The following PTPN11 variants were observed in gnomAD, a reference collection of about 807,000 sequenced individuals.
PTPN11 encodes the protein protein tyrosine phosphatase non-receptor type 11.
Under a neutral mutation model 78.8 loss-of-function variants are expected in PTPN11, and 6 were observed. The observed-to-expected ratio is 0.08, with a 90% CI of 0.04 to 0.15. The LOEUF is 0.15. Ranked by LOEUF, PTPN11 falls within the 10% of genes least tolerant of loss-of-function variation. PTPN11 has a pLI of 1.00. For synonymous variants in PTPN11, 221 were observed against 263.5 expected (o/e 0.84, Z 1.56); for missense variants, 386 against 744.8 (o/e 0.52, Z 5.61).
chr12:112,447,363 T>A (rs2038009447), intron 2 of PTPN11, among the ~76,000 whole-genome samples: 1 of 152,200 alleles, frequency 6.6e-6, no homozygotes, highest in African/African-American at 2.4e-5. Context: ...TTTTTATAGT[T>A]GTACTGCACT....
At chr12:112,483,868 G>C (rs933977560) in intron 10 of PTPN11, among the ~76,000 whole-genome samples, 3 of 152,142 alleles carry the variant, frequency 2.0e-5, no homozygotes, top group African/African-American at 7.2e-5. Flanking sequence ...CCGGGGGGAT[G>C]GCAGTGGAGT....
intron 1 of PTPN11, among the ~76,000 whole-genome samples, chr12:112,433,373 G>A (rs749469362): frequency 3.9e-5 from 6 of 152,098 alleles, no homozygotes; most frequent in Non-Finnish European, 7.4e-5. Flanking sequence ...GTGTAAGTAC[G>A]CTCCATGATG....
At chr12:112,466,721 A>G (rs541073125) in intron 6 of PTPN11, among the ~76,000 whole-genome samples, 1 of 152,144 alleles carries the variant, frequency 6.6e-6, no homozygotes, top group Non-Finnish European at 1.5e-5. Flanking sequence ...AAATTTAAGA[A>G]AGAAAAAAAA....
At chr12:112,452,400 A>AT (rs2038091417) in intron 3 of PTPN11, among the ~76,000 whole-genome samples, 1 of 151,786 alleles carries the variant, frequency 6.6e-6, no homozygotes, top group Admixed American at 6.6e-5. Context: ...CCAATTTTGT[A>AT]TTTTTAGCAG....
chr12:112,479,889 T>C (rs1007704629), intron 9 of PTPN11, among the ~76,000 whole-genome samples: 7 of 152,280 alleles, frequency 4.6e-5, no homozygotes, highest in African/African-American at 9.6e-5. Context: ...TTCTTCCTCT[T>C]TACTTTGGTG....
At chr12:112,454,249 A>G (rs1356533250) in intron 4 of PTPN11, among the ~76,000 whole-genome samples, 1 of 152,038 alleles carries the variant, frequency 6.6e-6, no homozygotes, top group Non-Finnish European at 1.5e-5. Flanking sequence ...CCTCCTGAGT[A>G]GCAGGGATTA....
chr12:112,490,810 A>G (rs145673151), intron 13 of PTPN11, among the ~76,000 whole-genome samples: 1 of 152,278 alleles, frequency 6.6e-6, no homozygotes, highest in African/African-American at 2.4e-5. Context: ...ATCCTGCAAT[A>G]TATAGTTTTC....
intron 6 of PTPN11, among the ~76,000 whole-genome samples, chr12:112,465,035 G>C (rs2038304553): frequency 6.6e-6 from 1 of 152,178 alleles, no homozygotes; most frequent in Admixed American, 6.5e-5. Context: ...AAATGAAAAG[G>C]CCGGTTATAA....
intron 13 of PTPN11, among the ~76,000 whole-genome samples, chr12:112,500,400 A>G (rs1360763583): frequency 6.6e-6 from 1 of 152,224 alleles, no homozygotes; most frequent in Non-Finnish European, 1.5e-5. Context: ...ATGGTTATTT[A>G]CAAGTCTTTT....
Position 112,477,642 on chromosome 12 carries a change from T to C in PTPN11, c.854-9T>C, listed in dbSNP as rs2038526760. 6.2e-7 allele frequency: 1 copy of C among 1,607,166 alleles called. No homozygotes were observed. Among genetic ancestry groups the C allele is most frequent in the African/African-American group, 1.3e-5 (1 of 74,848 alleles). On this transcript the variant is annotated splice_polypyrimidine_tract_variant and intron_variant, in intron 7 of 15. Coordinates refer to ENST00000351677, the MANE Select transcript of PTPN11 (RefSeq NM_002834.5). ...GGACTTATGTGACCGTGGTCTCTTTTTCTTCTAGTTGATCATACCAGGGTT... is the reference window on the plus strand; with the variant it reads ...GGACTTATGTGACCGTGGTCTCTTTCTCTTCTAGTTGATCATACCAGGGTT...
intron 13 of PTPN11, among the ~76,000 whole-genome samples, chr12:112,494,744 A>G (rs1020229718): frequency 1.3e-5 from 2 of 152,214 alleles, no homozygotes; most frequent in African/African-American, 4.8e-5. Context: ...TTACTGCTCT[A>G]TTTGAGTTCC....
At chr12:112,469,069 C>A (rs202040554) in intron 6 of PTPN11, among the ~76,000 whole-genome samples, 45 of 150,534 alleles carry the variant, frequency 3.0e-4, no homozygotes, top group African/African-American at 1.0e-3. Flanking sequence ...GTCCCAACAA[C>A]AAAAAAAAAG....
intron 13 of PTPN11, among the ~76,000 whole-genome samples, chr12:112,498,970 A>G (rs1257672132): frequency 6.6e-6 from 1 of 152,232 alleles, no homozygotes; most frequent in Non-Finnish European, 1.5e-5. Flanking sequence ...ATTCCACACT[A>G]GAAAATTCTG....
At chr12:112,477,833 A>C in intron 8 of PTPN11, 24 bp from the exon 9 acceptor site, 7 of 1,613,918 alleles carry the variant, frequency 4.3e-6, no homozygotes, top group Non-Finnish European at 5.1e-6. Context: ...AGGTGTTTGA[A>C]GGATTTTCTT....
chr12:112,439,796 CAA>C (rs750031189), intron 1 of PTPN11, among the ~76,000 whole-genome samples: 4 of 146,860 alleles, frequency 2.7e-5, no homozygotes, highest in Non-Finnish European at 4.5e-5. Context: ...AAAAAAAAAA[CAA>C]AAACAAAAAA....
At chr12:112,480,488 C>T (rs2038579946) in intron 9 of PTPN11, among the ~76,000 whole-genome samples, 1 of 151,618 alleles carries the variant, frequency 6.6e-6, no homozygotes, top group African/African-American at 2.4e-5. Context: ...TGCCTCAGTG[C>T]CTGAGTAGCT....
intron 9 of PTPN11, 134 bp from the exon 10 acceptor site, chr12:112,481,940 C>T: frequency 1.1e-6 from 1 of 947,506 alleles, no homozygotes; most frequent in Non-Finnish European, 1.6e-6. Flanking sequence ...TTTCTGAAAA[C>T]CTAACAGATG....
intron 1 of PTPN11, among the ~76,000 whole-genome samples, chr12:112,428,242 A>G (rs995447401): frequency 6.6e-6 from 1 of 152,174 alleles, no homozygotes; most frequent in Non-Finnish European, 1.5e-5. Context: ...TGATAAACTC[A>G]AATGAGGCCA....
intron 3 of PTPN11, 121 bp downstream of exon 3, chr12:112,450,633 T>C (rs1360933133): frequency 8.7e-5 from 85 of 976,966 alleles, no homozygotes; most frequent in Non-Finnish European, 1.2e-4. Flanking sequence ...TTTTGAGCTG[T>C]AATCTTTAAA....
Sources: allele counts gnomAD v4.1 joint callset (sites outside exome capture counted in the v4.1 genomes callset), GRCh38; gene constraint gnomAD v4.1.1; transcripts MANE v1.5; gene names NCBI Gene and HGNC (gene_info 2026-07-23, HGNC 2026-07-21).